TMEM114: variants seen among roughly 807,000 people sequenced by gnomAD.
TMEM114 encodes transmembrane protein 114.
TMEM114 carries 6 observed loss-of-function variants against 6.2 expected under a neutral mutation model. The observed-to-expected ratio is 0.97, with a 90% CI of 0.53 to 1.91. TMEM114 has a LOEUF of 1.91. TMEM114 is among the 40% of genes most tolerant of loss of function. The pLI, the probability that TMEM114 is intolerant of heterozygous loss-of-function variation, is 0.01. For synonymous variants in TMEM114, 104 were observed against 73.0 expected, an observed-to-expected ratio of 1.42 and a Z score of -2.16; for missense variants, 218 against 158.3, an observed-to-expected ratio of 1.38 and a Z score of -2.02.
At position 8,590,408 on chromosome 16, in the gene TMEM114, C is replaced by T. The variant is rs1902445005; in HGVS notation, c.-570G>A. Among the ~76,000 whole-genome samples the T allele has an allele frequency of 6.6e-6, 1 of 152,196 alleles. No individual in the cohort carries two copies. Among genetic ancestry groups the T allele is most frequent in the Non-Finnish European group, 1.5e-5 (1 of 68,024 alleles). Reference sequence around the variant, plus strand: ...TTTCTTGGCCCCACACTGCCAGATCCCCACTCCCAGCCCTGCTCTCCAGGG... The same window carrying T: ...TTTCTTGGCCCCACACTGCCAGATCTCCACTCCCAGCCCTGCTCTCCAGGG... On this transcript the variant is annotated 5_prime_UTR_variant, in exon 1 of 4. Coordinates refer to ENST00000620492, the MANE Select transcript of TMEM114 (RefSeq NM_001146336.2).
chr16:8,589,369 C>G (rs1455650538), intron 1 of TMEM114, 76 bp from the exon 2 acceptor site: 2 of 398,820 alleles, frequency 5.0e-6, no homozygotes, highest in Non-Finnish European at 4.4e-6. Context: ...GCTTTGCCCC[C>G]ATGCTCACCC....
At chr16:8,549,054 C>T (rs902614976) in intron 2 of TMEM114, among the ~76,000 whole-genome samples, 2 of 151,910 alleles carry the variant, frequency 1.3e-5, no homozygotes, top group African/African-American at 2.4e-5. Flanking sequence ...TGGCAGCATG[C>T]GCCTGCAGTC....
intron 2 of TMEM114, among the ~76,000 whole-genome samples, chr16:8,564,376 A>C (rs1901442385): frequency 6.6e-6 from 1 of 150,844 alleles, no homozygotes; most frequent in Non-Finnish European, 1.5e-5. Flanking sequence ...TGAGTCAGTG[A>C]ATGAGTGAGG....
chr16:8,538,143 A>AAAC (rs1184909928), intron 2 of TMEM114, among the ~76,000 whole-genome samples: 1 of 150,784 alleles, frequency 6.6e-6, no homozygotes, highest in Non-Finnish European at 1.5e-5. Flanking sequence ...CAAAAAAAAA[A>AAAC]AAAAAAAAAA....
chr16:8,573,906 T>C (rs551987079), intron 2 of TMEM114, among the ~76,000 whole-genome samples: 19 of 152,336 alleles, frequency 1.2e-4, no homozygotes, highest in East Asian at 5.8e-4. Context: ...CTTATTTCCC[T>C]GTGCACAATT....
chr16:8,541,359 A>T (rs1246355858), intron 2 of TMEM114, among the ~76,000 whole-genome samples: 1 of 152,166 alleles, frequency 6.6e-6, no homozygotes, highest in African/African-American at 2.4e-5. Flanking sequence ...TATTAATAAT[A>T]CTAAGACCAC....
At chr16:8,580,505 A>G (rs1902103110) in intron 2 of TMEM114, among the ~76,000 whole-genome samples, 1 of 151,596 alleles carries the variant, frequency 6.6e-6, no homozygotes, top group Non-Finnish European at 1.5e-5. Flanking sequence ...TAAAAAAAAA[A>G]AAAAAGAAAA....
At chr16:8,580,769 G>A (rs1350023273) in intron 2 of TMEM114, among the ~76,000 whole-genome samples, 1 of 152,110 alleles carries the variant, frequency 6.6e-6, no homozygotes, top group Non-Finnish European at 1.5e-5. Context: ...TCGGCTCACT[G>A]CAACCTCCAT....
intron 2 of TMEM114, among the ~76,000 whole-genome samples, chr16:8,540,297 G>A (rs928787042): frequency 6.6e-6 from 1 of 152,174 alleles, no homozygotes; most frequent in Non-Finnish European, 1.5e-5. Flanking sequence ...AACAGTCTCA[G>A]ATAGAGGTAG....
At chr16:8,580,133 C>T (rs1902083888) in intron 2 of TMEM114, among the ~76,000 whole-genome samples, 1 of 152,160 alleles carries the variant, frequency 6.6e-6, no homozygotes, top group Non-Finnish European at 1.5e-5. Flanking sequence ...AGAAATCCAA[C>T]CACAGAGGCA....
chr16:8,589,307 A>G lies in TMEM114; in HGVS notation c.221-14T>C. On this transcript the variant is annotated splice_polypyrimidine_tract_variant and intron_variant, in intron 1 of 3. Transcript: ENST00000620492. ...ACGGGCTCTGCACTGGATAGGACGG[A>G]GGAATCCATGGGTGCAGGACCCCGG... The G allele has an allele frequency of 2.5e-6, 1 of 398,680 alleles. No homozygotes were observed. The highest frequency in any genetic ancestry group is 4.4e-6 in the Non-Finnish European group (1 of 226,136). 24.7% of individuals were successfully genotyped at this position (398,680 alleles called of 1,614,324 possible).
At chr16:8,570,579 G>C (rs1323938387) in intron 3 of TMEM114, among the ~76,000 whole-genome samples, 1 of 152,154 alleles carries the variant, frequency 6.6e-6, no homozygotes, top group Non-Finnish European at 1.5e-5. Flanking sequence ...TGATCCGCCT[G>C]TCTCTGCCTC....
chr16:8,584,903 CAAGAGTGAAACGCCGTCTCAA>C (rs1175065378), intron 2 of TMEM114, among the ~76,000 whole-genome samples: 2 of 103,498 alleles, frequency 1.9e-5, no homozygotes, highest in Non-Finnish European at 3.6e-5. Context: ...GCCTGGGCTA[CAAGAGTGAAACGCCGTCTCAA>C]AAAAAAAAAA....
chr16:8,577,733 G>T (rs1434052452), intron 2 of TMEM114, among the ~76,000 whole-genome samples: 2 of 151,616 alleles, frequency 1.3e-5, no homozygotes, highest in Non-Finnish European at 2.9e-5. Flanking sequence ...ATAGGCGCCC[G>T]CCATCCCTCC....
chr16:8,567,655 A>G (rs1325074777), downstream of TMEM114, among the ~76,000 whole-genome samples: 1 of 152,124 alleles, frequency 6.6e-6, no homozygotes. Context: ...CTGTCTCCAA[A>G]CACTGCCAAA....
chr16:8,585,658 G>T (rs1358327346), intron 2 of TMEM114, among the ~76,000 whole-genome samples: 1 of 151,990 alleles, frequency 6.6e-6, no homozygotes, highest in South Asian at 2.1e-4. Context: ...TTCTGGGGGT[G>T]ATTTGCAAGG....
At position 8,576,704 on chromosome 16, in the gene TMEM114, C is replaced by CAGGAAGGA. The variant is rs71396282; in HGVS notation, c.302-4488_302-4481dup. Among the ~76,000 whole-genome samples, 184 of 129,420 alleles carry CAGGAAGGA rather than the reference C, an allele frequency of 1.4e-3. 2 individuals carry two copies. Among genetic ancestry groups the CAGGAAGGA allele is most frequent in the East Asian group, 3.1e-3 (13 of 4,178 alleles). The allele number at this position is 129,420 out of a possible 152,430, so 84.9% of individuals were successfully genotyped here. ...GGATGGCTGAGTTAATGAATGAGAG[C>CAGGAAGGA]AGGAAGGAAGGAAGGAAGGAAGGAA... On this transcript the variant is annotated intron_variant, in intron 2 of 3. Transcript: ENST00000620492.
At chr16:8,558,653 C>G (rs1901094721) in intron 2 of TMEM114, among the ~76,000 whole-genome samples, 1 of 152,192 alleles carries the variant, frequency 6.6e-6, no homozygotes, top group Non-Finnish European at 1.5e-5. Context: ...AGGCAAGCAA[C>G]TACAACACCC....
chr16:8,550,066 T>C (rs1247367933), intron 2 of TMEM114, among the ~76,000 whole-genome samples: 1 of 152,180 alleles, frequency 6.6e-6, no homozygotes, highest in Non-Finnish European at 1.5e-5. Flanking sequence ...GAACTTGGAA[T>C]CTGATGTTCC....
Sources: gnomAD v4.1 joint callset for allele counts (sites outside exome capture counted in the v4.1 genomes callset) on GRCh38, gnomAD v4.1.1 for gene constraint, MANE v1.5 for transcripts, NCBI Gene and HGNC (gene_info 2026-07-23, HGNC 2026-07-21) for gene names.